The following KRABD3 variants were observed in gnomAD, a reference collection of about 807,000 sequenced individuals.
KRABD3 encodes KRAB domain-containing protein 3.
At chr7:149,726,148 C>A in the KRABD3 span, 1 of 1,197,022 alleles carries the variant, frequency 8.4e-7, no homozygotes, top group Non-Finnish European at 1.2e-6. Context: ...CTGGGTCAGA[C>A]CCCCATGCCC....
chr7:149,721,102 G>GAGTC, the KRABD3 span: 5 of 1,386,786 alleles, frequency 3.6e-6, no homozygotes, highest in Admixed American at 6.5e-5. Context: ...CCGGGAGGCA[G>GAGTC]AGTCACCTGC....
chr7:149,727,602 T>C, the KRABD3 span, among the ~76,000 whole-genome samples: 2 of 152,188 alleles, frequency 1.3e-5, no homozygotes, highest in African/African-American at 4.8e-5. Flanking sequence ...TTCTATACTT[T>C]TCATGTTCCT....
chr7:149,720,858 C>T, the KRABD3 span: 57 of 1,599,702 alleles, frequency 3.6e-5, no homozygotes, highest in Non-Finnish European at 4.4e-5. Flanking sequence ...GCACAGCCTG[C>T]ACCTCACAGC....
the KRABD3 span, chr7:149,722,726 G>C: frequency 6.5e-7 from 1 of 1,537,098 alleles, no homozygotes; most frequent in East Asian, 2.3e-5. Context: ...GCCTGCCAGC[G>C]CTCCCGGTGT....
chr7:149,732,807 C>T, the KRABD3 span, among the ~76,000 whole-genome samples: 1 of 152,026 alleles, frequency 6.6e-6, no homozygotes, highest in Non-Finnish European at 1.5e-5. The surrounding 1 kb of genome is among the most constrained non-coding windows in gnomAD (Gnocchi z 4.0). Flanking sequence ...TGGCCCATCT[C>T]CTGGTGCTCC....
the KRABD3 span, chr7:149,721,139 G>A: frequency 5.9e-6 from 7 of 1,184,320 alleles, no homozygotes; most frequent in South Asian, 1.6e-5. Flanking sequence ...GCCGTGTGCC[G>A]CCCTCTGAGC....
At chr7:149,731,701 C>T in the KRABD3 span, 1 of 1,611,848 alleles carries the variant, frequency 6.2e-7, no homozygotes, top group Non-Finnish European at 8.5e-7. Flanking sequence ...CCCGGTTTCT[C>T]AGCTGGAGAA....
At chr7:149,728,071 G>A in the KRABD3 span, among the ~76,000 whole-genome samples, 6,769 of 152,372 alleles carry the variant, frequency 0.044, 363 homozygotes, top group African/African-American at 0.13. Flanking sequence ...TTTGCAGTGT[G>A]TTTAGTTCTT....
chr7:149,726,125 C>G, the KRABD3 span: 3 of 1,445,684 alleles, frequency 2.1e-6, no homozygotes, highest in Admixed American at 4.2e-5. Flanking sequence ...CTTGCCCAGT[C>G]CCTCTGGCTT....
chr7:149,729,073 T>G, the KRABD3 span: 1 of 796,418 alleles, frequency 1.3e-6, no homozygotes, highest in Non-Finnish European at 1.8e-6. Context: ...TTCCCACACC[T>G]GATGCTGGTG....
the KRABD3 span, among the ~76,000 whole-genome samples, chr7:149,719,256 G>A: frequency 6.6e-6 from 1 of 152,128 alleles, no homozygotes; most frequent in Non-Finnish European, 1.5e-5. The surrounding 1 kb of genome is among the most constrained non-coding windows in gnomAD (Gnocchi z 5.6). Flanking sequence ...CTGGACTAAG[G>A]GTCCCCCCTA....
the KRABD3 span, chr7:149,733,933 C>A: frequency 6.3e-7 from 1 of 1,596,290 alleles, no homozygotes; most frequent in Non-Finnish European, 8.5e-7. Context: ...TGGCACCAGA[C>A]GGGATCCCAG....
At chr7:149,733,941 C>A in the KRABD3 span, 1 of 1,597,962 alleles carries the variant, frequency 6.3e-7, no homozygotes, top group South Asian at 1.1e-5. Context: ...GACGGGATCC[C>A]AGAGCGGCCC....
At chr7:149,719,648 A>G in the KRABD3 span, 1 of 1,604,830 alleles carries the variant, frequency 6.2e-7, no homozygotes, top group African/African-American at 1.4e-5. The surrounding 1 kb of genome is among the most constrained non-coding windows in gnomAD (Gnocchi z 5.6). Context: ...GATGCGGGAG[A>G]ACTACGAGAC....
the KRABD3 span, chr7:149,733,645 T>C: frequency 6.3e-7 from 1 of 1,589,294 alleles, no homozygotes; most frequent in Admixed American, 1.8e-5. Context: ...GCTGCAGGGC[T>C]GGTGACCTGC....
chr7:149,721,679 G>T, the KRABD3 span: 134 of 940,482 alleles, frequency 1.4e-4, no homozygotes, highest in Middle Eastern at 1.0e-3. Context: ...AACAAAGTAC[G>T]CCAGGGAGCA....
the KRABD3 span, among the ~76,000 whole-genome samples, chr7:149,728,960 G>A: frequency 1.8e-4 from 28 of 152,348 alleles, no homozygotes; most frequent in South Asian, 5.4e-3. Context: ...GAGCCTTGGT[G>A]TCTGGGCACC....
chr7:149,734,098 G>T, the KRABD3 span: 1 of 1,540,396 alleles, frequency 6.5e-7, no homozygotes, highest in Non-Finnish European at 8.8e-7. Flanking sequence ...GTGCAGTGGT[G>T]GCGTGGAAGC....
At chr7:149,715,008 G>A in the KRABD3 span, 1 of 1,225,026 alleles carries the variant, frequency 8.2e-7, no homozygotes, top group Non-Finnish European at 1.0e-6. Flanking sequence ...GCCCGCGCCA[G>A]GGCCCGCGCC....
Sources: gnomAD v4.1 joint callset for allele counts (sites outside exome capture counted in the v4.1 genomes callset) on GRCh38, gnomAD v4.1.1 for gene constraint, Gnocchi (gnomAD v3.1) non-coding constraint, MANE v1.5 for transcripts, NCBI Gene and HGNC (gene_info 2026-07-23, HGNC 2026-07-21) for gene names.